Variants in HLCS observed in about 807,000 individuals in gnomAD.
HLCS encodes biotin--protein ligase.
HLCS carries 53 observed loss-of-function variants against 75.0 expected under a neutral mutation model. The observed-to-expected ratio is 0.71, with a 90% confidence interval of 0.57 to 0.89. HLCS has a LOEUF of 0.89. HLCS is among the 40% of genes least tolerant of loss of function. The pLI is 0.00. For missense variants in HLCS, 966 were observed against 1,074.0 expected (o/e 0.90, Z 1.41); for synonymous variants, 431 against 428.6 (o/e 1.01, Z -0.07).
chr21:36,866,491 C>T (rs577253785), intron 6 of HLCS, among the ~76,000 whole-genome samples: 13 of 152,300 alleles, frequency 8.5e-5, no homozygotes, highest in Middle Eastern at 3.4e-3. Context: ...AACTTAAAAT[C>T]GTGCATCTGA....
At chr21:36,932,103 T>C (rs2409868) in intron 4 of HLCS, among the ~76,000 whole-genome samples, 92,288 of 152,112 alleles carry the variant, frequency 0.61, 28,326 homozygotes, top group East Asian at 0.68. Context: ...CCTGGATGAG[T>C]TCCAGCCACG....
intron 6 of HLCS, among the ~76,000 whole-genome samples, chr21:36,834,077 G>A (rs1056841611): frequency 2.0e-5 from 3 of 152,240 alleles, no homozygotes; most frequent in Non-Finnish European, 4.4e-5. Context: ...ACTTTTCCTA[G>A]GCGAGGGTTC....
Position 36,830,140 on chromosome 21 carries a change from A to G in HLCS, c.1893-62855T>C, listed in dbSNP as rs546614425. Among the ~76,000 whole-genome samples the G allele has an allele frequency of 1.7e-4, 26 of 152,292 alleles. 1 individual carries two copies. The East Asian group carries it at 5.0e-3, about 29-fold the overall frequency. On this transcript the variant is annotated intron_variant, in intron 6 of 10. Coordinates refer to ENST00000674895, the MANE Select transcript of HLCS (RefSeq NM_001352514.2). Reference sequence around the variant, plus strand: ...GGAGAGGTGACAGGAACACACAGGGAGACGACAGCCTCTACAAGCCAGAGA... The same window carrying G: ...GGAGAGGTGACAGGAACACACAGGGGGACGACAGCCTCTACAAGCCAGAGA...
chr21:36,861,789 T>C (rs2063390362), intron 6 of HLCS, among the ~76,000 whole-genome samples: 1 of 152,238 alleles, frequency 6.6e-6, no homozygotes, highest in Non-Finnish European at 1.5e-5. Context: ...ATAATTCAAA[T>C]ACCATAAATC....
chr21:36,786,194 ATTG>A (rs2060681262), intron 6 of HLCS, among the ~76,000 whole-genome samples: 1 of 152,056 alleles, frequency 6.6e-6, no homozygotes, highest in Non-Finnish European at 1.5e-5. Context: ...CCATTTGTTA[ATTG>A]TTGAGAGTGT....
At position 36,770,282 on chromosome 21, in the gene HLCS, G is replaced by A. The variant is rs536258401; in HGVS notation, c.1893-2997C>T. On this transcript the variant is annotated intron_variant, in intron 6 of 10. Coordinates refer to ENST00000674895, the MANE Select transcript of HLCS (RefSeq NM_001352514.2). Reference sequence around the variant, plus strand: ...CTGCCTCAGCCTCCCGAATAGCTGGGATTACAGGTGTGCACCACCATGCCC... The same window carrying A: ...CTGCCTCAGCCTCCCGAATAGCTGGAATTACAGGTGTGCACCACCATGCCC... Among the ~76,000 whole-genome samples, 18 of 151,958 alleles carry A rather than the reference G, an allele frequency of 1.2e-4. No homozygotes were observed. In the South Asian group the frequency reaches 3.8e-3, roughly 32 times the overall value.
chr21:36,889,905 C>A (rs983072537), intron 6 of HLCS, among the ~76,000 whole-genome samples: 2 of 152,338 alleles, frequency 1.3e-5, no homozygotes, highest in South Asian at 4.1e-4. Context: ...TGCCCCCACA[C>A]AAATCTCATC....
intron 1 of HLCS, chr21:36,973,656 CAG>C (rs1404301916): frequency 1.3e-5 from 2 of 152,134 alleles, no homozygotes; most frequent in African/African-American, 4.8e-5. Context: ...ACTAGATACT[CAG>C]AGGGGATTTA....
intron 6 of HLCS, among the ~76,000 whole-genome samples, chr21:36,810,125 T>A (rs1443124461): frequency 3.3e-5 from 5 of 152,220 alleles, no homozygotes; most frequent in African/African-American, 9.6e-5. Context: ...CTTCATTTGA[T>A]TTCTCTTTTT....
intron 6 of HLCS, among the ~76,000 whole-genome samples, chr21:36,849,676 G>T (rs753688210): frequency 6.6e-6 from 1 of 152,206 alleles, no homozygotes; most frequent in Non-Finnish European, 1.5e-5. Flanking sequence ...GCCAGCATCC[G>T]GCTCTGCCTG....
At chr21:36,984,702 T>C (rs2069193745) in intron 1 of HLCS, among the ~76,000 whole-genome samples, 1 of 152,170 alleles carries the variant, frequency 6.6e-6, no homozygotes, top group African/African-American at 2.4e-5. Context: ...ATGGGTACAA[T>C]GTACATGATC....
At position 36,751,616 on chromosome 21, in the gene HLCS, C is replaced by T. The variant is rs2089367446; in HGVS notation, c.*2630G>A. The T allele has an allele frequency of 6.6e-6, 1 of 152,436 alleles. No homozygotes were observed. Among genetic ancestry groups the T allele is most frequent in the South Asian group, 2.1e-4 (1 of 4,838 alleles). 9.4% of individuals were successfully genotyped at this position (152,436 alleles called of 1,614,324 possible). A position where few individuals can be genotyped will look rare whatever the true frequency, so the allele number is the denominator to read the frequency against. ...GCAACGTCAGCCTGCTGCAGTGAAA[C>T]TCAACCACGATTTTCCTTTGCACAC... On this transcript the variant is annotated 3_prime_UTR_variant, in exon 11 of 11. Transcript: ENST00000674895.
intron 5 of HLCS, among the ~76,000 whole-genome samples, chr21:36,911,103 A>G (rs772886303): frequency 3.3e-5 from 5 of 152,214 alleles, no homozygotes; most frequent in Non-Finnish European, 2.9e-5. Context: ...GAGATATTTC[A>G]TATCAAATTT....
intron 6 of HLCS, among the ~76,000 whole-genome samples, chr21:36,773,415 C>T (rs1480011417): frequency 6.6e-6 from 1 of 152,266 alleles, no homozygotes; most frequent in Non-Finnish European, 1.5e-5. Context: ...CTCAGACTGG[C>T]CTCCCTTTCT....
intron 2 of HLCS, chr21:36,944,149 T>C (rs1249787666): frequency 6.6e-6 from 1 of 152,192 alleles, no homozygotes; most frequent in Non-Finnish European, 1.5e-5. Flanking sequence ...AGGTCACATA[T>C]TGTAATGGTT....
intron 6 of HLCS, among the ~76,000 whole-genome samples, chr21:36,882,141 G>A (rs1458501567): frequency 1.3e-5 from 2 of 152,016 alleles, no homozygotes; most frequent in East Asian, 3.9e-4. Flanking sequence ...AATTAGCCGG[G>A]CGTGGTGGCA....
intron 6 of HLCS, among the ~76,000 whole-genome samples, chr21:36,777,044 G>T (rs2060381150): frequency 1.3e-5 from 2 of 152,042 alleles, no homozygotes; most frequent in African/African-American, 4.8e-5. Context: ...ATCTTGCTGT[G>T]GTGTGGTCAT....
At position 36,833,478 on chromosome 21, in the gene HLCS, G is replaced by A. The variant is rs1389268753; in HGVS notation, c.1892+63382C>T. 3.0e-4 allele frequency among the ~76,000 whole-genome samples: 46 copies of A among 151,602 alleles called. 1 individual carries two copies. ...CATGCACCTGTAATCCCAGCTACTCGGGAAGCTGAAGCAGGAGAATTGCTT... is the reference window on the plus strand; with the variant it reads ...CATGCACCTGTAATCCCAGCTACTCAGGAAGCTGAAGCAGGAGAATTGCTT... On this transcript the variant is annotated intron_variant, in intron 6 of 10. Coordinates refer to ENST00000674895, the MANE Select transcript of HLCS (RefSeq NM_001352514.2).
intron 1 of HLCS, among the ~76,000 whole-genome samples, chr21:36,982,353 G>C (rs994792805): frequency 6.6e-6 from 1 of 152,162 alleles, no homozygotes; most frequent in African/African-American, 2.4e-5. Flanking sequence ...ATTTCTCTGG[G>C]TGTGGACCCA....
Sources: allele counts gnomAD v4.1 joint callset (sites outside exome capture counted in the v4.1 genomes callset), GRCh38; gene constraint gnomAD v4.1.1; transcripts MANE v1.5; gene names NCBI Gene and HGNC (gene_info 2026-07-23, HGNC 2026-07-21).